Variants in PRKDC observed in about 807,000 individuals in gnomAD.
PRKDC encodes protein kinase, DNA-activated, catalytic subunit.
A neutral mutation model predicts 486.9 loss-of-function variants in PRKDC; 82 were observed. That is an observed-to-expected ratio of 0.17 (90% CI 0.14 to 0.20). The LOEUF (loss-of-function observed/expected upper bound fraction) is 0.20, where lower values mean the gene tolerates loss of function less well. Ranked by LOEUF, PRKDC falls within the 10% of genes least tolerant of loss-of-function variation. The pLI, the probability that PRKDC is intolerant of heterozygous loss-of-function variation, is 1.00. For missense variants in PRKDC, 4,504 were observed against 5,038.2 expected, an observed-to-expected ratio of 0.89 and a Z score of 3.21; for synonymous variants, 1,895 against 1,837.0, an observed-to-expected ratio of 1.03 and a Z score of -0.81.
At chr8:47,783,589 CA>C (rs373789511) in intron 78 of PRKDC, among the ~76,000 whole-genome samples, 152 bp downstream of exon 78, 25 of 139,202 alleles carry the variant, frequency 1.8e-4, no homozygotes, top group East Asian at 1.0e-3. Context: ...GACTCCGTCT[CA>C]AAAAAAAAAA....
intron 28 of PRKDC, among the ~76,000 whole-genome samples, chr8:47,899,372 G>A (rs534878927): frequency 1.1e-3 from 171 of 152,310 alleles, no homozygotes; most frequent in African/African-American, 3.6e-3. Flanking sequence ...GTTGCCAGGC[G>A]CAGTGGCTCA....
intron 76 of PRKDC, among the ~76,000 whole-genome samples, chr8:47,788,113 A>C (rs757489688): frequency 3.9e-5 from 6 of 152,262 alleles, no homozygotes; most frequent in Non-Finnish European, 7.3e-5. Context: ...AAAACTAGAA[A>C]GAAAAGTCAG....
rs567618503 is a variant in PRKDC, at chr8:47,789,360, ATAAC to A, written c.10671-126_10671-123del. On this transcript the variant is annotated intron_variant, in intron 74 of 85. Transcript: ENST00000314191. ...ATATATAAAATAATGTATGTTATATATAACTAAGTATAATTTATACATATCATAT... is the reference window on the plus strand; with the variant it reads ...ATATATAAAATAATGTATGTTATATATAAGTATAATTTATACATATCATAT... The A allele has an allele frequency of 1.6e-4, 42 of 261,170 alleles. No homozygotes were observed. In the South Asian group the frequency reaches 6.1e-3, roughly 38 times the overall value. 16.2% of individuals were successfully genotyped at this position (261,170 alleles called of 1,614,324 possible). A position where few individuals can be genotyped will look rare whatever the true frequency, so the allele number is the denominator to read the frequency against.
intron 80 of PRKDC, among the ~76,000 whole-genome samples, chr8:47,780,412 C>T (rs537481360): frequency 2.3e-4 from 35 of 152,224 alleles, no homozygotes; most frequent in South Asian, 4.1e-4. Context: ...AAAGGCAGTA[C>T]CTGGGCAATG....
chr8:47,800,288 A>G (rs1451436707), intron 71 of PRKDC, among the ~76,000 whole-genome samples: 1 of 152,132 alleles, frequency 6.6e-6, no homozygotes, highest in Non-Finnish European at 1.5e-5. Flanking sequence ...ATAAAAAATG[A>G]TGAGTTCATG....
At chr8:47,946,465 T>C (rs1312430778) in intron 7 of PRKDC, among the ~76,000 whole-genome samples, 1 of 152,116 alleles carries the variant, frequency 6.6e-6, no homozygotes, top group Non-Finnish European at 1.5e-5. Context: ...ATTTCTCCAA[T>C]GTTCAATGGA....
chr8:47,792,207 A>G lies in PRKDC; in HGVS notation c.10670+2083T>C, dbSNP rs183396407. On this transcript the variant is annotated intron_variant, in intron 74 of 85. Coordinates refer to ENST00000314191, the MANE Select transcript of PRKDC (RefSeq NM_006904.7). ...AATGGGCACAAAAATATAGTTAGGA[A>G]AAACAGGATCTAGTATTTAGTGGCA... is the stretch of plus-strand genomic sequence containing the variant. 1.5e-4 allele frequency among the ~76,000 whole-genome samples: 23 copies of G among 152,152 alleles called. 1 individual carries two copies. In the East Asian group the frequency reaches 3.5e-3, roughly 23 times the overall value.
At chr8:47,856,533 C>T (rs1359334171) in intron 49 of PRKDC, among the ~76,000 whole-genome samples, 1 of 152,112 alleles carries the variant, frequency 6.6e-6, no homozygotes, top group East Asian at 1.9e-4. Flanking sequence ...CCTAGCCCCG[C>T]ATGTGTATAT....
At chr8:47,924,121 T>A (rs1311553697) in intron 21 of PRKDC, among the ~76,000 whole-genome samples, 1 of 152,234 alleles carries the variant, frequency 6.6e-6, no homozygotes, top group Non-Finnish European at 1.5e-5. Flanking sequence ...AAGTCATCAC[T>A]ACTTTTGCCT....
intron 54 of PRKDC, among the ~76,000 whole-genome samples, chr8:47,848,937 T>C (rs1376644917): frequency 6.6e-6 from 1 of 152,194 alleles, no homozygotes. Flanking sequence ...CGCCCTGGGA[T>C]GTGGCTCCCC....
Position 47,907,099 on chromosome 8 carries a change from C to G in PRKDC, c.2935-2123G>C, listed in dbSNP as rs1000871360. 3.3e-5 allele frequency among the ~76,000 whole-genome samples: 5 copies of G among 150,678 alleles called. No homozygotes were observed. The South Asian group carries it at 1.0e-3, about 31-fold the overall frequency. ...TGTCGCCCAGGCTGGAGTGCAGTGG[C>G]GCGCAGTCTCTGCTCACTGCAAGCT... On this transcript the variant is annotated intron_variant, in intron 25 of 85. Coordinates refer to ENST00000314191, the MANE Select transcript of PRKDC (RefSeq NM_006904.7).
chr8:47,849,223 C>A lies in PRKDC; in HGVS notation c.7211G>T (p.Arg2404Leu), dbSNP rs750070103. ...GTACAGCTCTGTCATTCCCTCCACA[C>A]GACAAAGTACCACCTCCAGACAGAG... ...KTLCLEVVLC[R>L]VEGMTELYFQ... The change falls in exon 54 of 86, where the codon CGT becomes CTT. Residue 2404 changes from arginine (R) to leucine (L), a missense_variant. By Grantham distance (102) the Arg-to-Leu change is moderately radical (BLOSUM62 -2). Coordinates refer to ENST00000314191, the MANE Select transcript of PRKDC (RefSeq NM_006904.7). 1 of 1,614,012 alleles carries A rather than the reference C, an allele frequency of 6.2e-7. No homozygotes were observed. Among genetic ancestry groups the A allele is most frequent in the Non-Finnish European group, 8.5e-7 (1 of 1,179,906 alleles).
chr8:47,928,972 G>T, intron 19 of PRKDC, 120 bp downstream of exon 19: 1 of 806,652 alleles, frequency 1.2e-6, no homozygotes. Flanking sequence ...TTAAGGGCAT[G>T]AGCCACCGCA....
At chr8:47,898,382 C>T (rs2089619295) in intron 29 of PRKDC, 88 bp downstream of exon 29, 2 of 1,087,520 alleles carry the variant, frequency 1.8e-6, no homozygotes, top group South Asian at 1.5e-5. Flanking sequence ...CCTTATACTT[C>T]CACAGATCCA....
At chr8:47,932,961 T>C (rs2090281802) in intron 16 of PRKDC, 59 bp downstream of exon 16, 4 of 1,439,944 alleles carry the variant, frequency 2.8e-6, no homozygotes, top group Non-Finnish European at 3.8e-6. Context: ...TAAATATTTA[T>C]ATGCAAAGAC....
At chr8:47,959,933 G>A (rs1350744868) in intron 1 of PRKDC, 40 bp downstream of exon 1, 4 of 1,528,054 alleles carry the variant, frequency 2.6e-6, no homozygotes, top group Non-Finnish European at 3.5e-6. Flanking sequence ...GACTCGGGAA[G>A]CCAGGACCCA....
At chr8:47,805,305 T>A (rs1403495588) in intron 69 of PRKDC, 1 of 152,260 alleles carries the variant, frequency 6.6e-6, no homozygotes, top group Admixed American at 6.5e-5. Context: ...GTTATCTGTG[T>A]ATTTGCTTCC....
At chr8:47,945,862 C>G (rs529644912) in intron 7 of PRKDC, among the ~76,000 whole-genome samples, 2 of 152,114 alleles carry the variant, frequency 1.3e-5, no homozygotes, top group African/African-American at 4.8e-5. Flanking sequence ...GCTGGGATTA[C>G]AGGCGCCTGC....
chr8:47,900,954 C>A (rs1451897438), intron 27 of PRKDC, among the ~76,000 whole-genome samples: 1 of 151,492 alleles, frequency 6.6e-6, no homozygotes, highest in Non-Finnish European at 1.5e-5. Context: ...TCGAGACCAG[C>A]CTGGGCAACA....
Sources: gnomAD v4.1 joint callset for allele counts (sites outside exome capture counted in the v4.1 genomes callset) on GRCh38, gnomAD v4.1.1 for gene constraint, MANE v1.5 for transcripts, NCBI Gene and HGNC (gene_info 2026-07-23, HGNC 2026-07-21) for gene names.